TRAP1: variants seen among roughly 807,000 people sequenced by gnomAD.
TRAP1 encodes TNF receptor associated protein 1.
Under a neutral mutation model 89.1 loss-of-function variants are expected in TRAP1, and 102 were observed. The ratio of observed to expected loss-of-function variants is 1.15; its 90% CI spans 0.98 to 1.35. TRAP1 has a LOEUF of 1.35. Among genes scored for constraint, TRAP1 ranks in the 40% most tolerant of loss-of-function variants. The pLI, the probability that TRAP1 is intolerant of heterozygous loss-of-function variation, is 0.00. For synonymous variants in TRAP1, 508 were observed against 388.0 expected, an observed-to-expected ratio of 1.31 and a Z score of -3.64; for missense variants, 1,256 against 945.3, an observed-to-expected ratio of 1.33 and a Z score of -4.31.
chr16:3,701,514 G>A (rs1213469705), intron 1 of TRAP1, among the ~76,000 whole-genome samples: 1 of 145,874 alleles, frequency 6.9e-6, no homozygotes, highest in Non-Finnish European at 1.5e-5. Flanking sequence ...TCGCGCCCCT[G>A]CACTCCAGTC....
At chr16:3,663,195 G>A in intron 14 of TRAP1, 4 of 674,310 alleles carry the variant, frequency 5.9e-6, no homozygotes, top group Admixed American at 3.0e-5. Flanking sequence ...CTCTCAAGAA[G>A]CTGGGCCAGC....
At chr16:3,693,281 C>G (rs2051241013) in intron 1 of TRAP1, among the ~76,000 whole-genome samples, 1 of 151,986 alleles carries the variant, frequency 6.6e-6, no homozygotes, top group South Asian at 2.1e-4. Flanking sequence ...TATGCAGATA[C>G]CTTAAAAACA....
intron 13 of TRAP1, 76 bp from the exon 14 acceptor site, chr16:3,663,638 G>A: frequency 6.3e-7 from 1 of 1,584,720 alleles, no homozygotes. Flanking sequence ...GAGGGCGGCA[G>A]GAGGGCTGGG....
At chr16:3,704,783 T>C (rs986547432) in intron 1 of TRAP1, among the ~76,000 whole-genome samples, 2 of 151,406 alleles carry the variant, frequency 1.3e-5, no homozygotes, top group Non-Finnish European at 2.9e-5. Context: ...GAAGGCCAAG[T>C]TGGGAGGAAC....
chr16:3,669,070 CTCCCCTCCTGTG>C (rs1255642000), intron 11 of TRAP1, among the ~76,000 whole-genome samples: 1 of 152,198 alleles, frequency 6.6e-6, no homozygotes, highest in Admixed American at 6.5e-5. Flanking sequence ...TACCTGGAAC[CTCCCCTCCTGTG>C]GCCACTCCTG....
chr16:3,717,264 G>T (rs1210762453), intron 1 of TRAP1, among the ~76,000 whole-genome samples, 157 bp downstream of exon 1: 2 of 152,236 alleles, frequency 1.3e-5, no homozygotes, highest in African/African-American at 4.8e-5. Flanking sequence ...CTGGCGAGGA[G>T]CGGAGCGAAA....
At chr16:3,662,992 G>A (rs368325859) in intron 14 of TRAP1, 25 bp from the exon 15 acceptor site, 28 of 1,560,476 alleles carry the variant, frequency 1.8e-5, no homozygotes, top group East Asian at 2.4e-5. Context: ...GCGACAGGGA[G>A]CTCAGGCCTG....
intron 1 of TRAP1, among the ~76,000 whole-genome samples, chr16:3,713,693 G>C (rs1016129097): frequency 6.6e-6 from 1 of 152,198 alleles, no homozygotes. Flanking sequence ...ACCCGTCACC[G>C]TACCTGCCTG....
At chr16:3,715,027 C>G (rs112396045) in intron 1 of TRAP1, among the ~76,000 whole-genome samples, 4 of 152,308 alleles carry the variant, frequency 2.6e-5, no homozygotes, top group African/African-American at 9.6e-5. Flanking sequence ...ATGACAAGGG[C>G]ACCTGCCACG....
Position 3,675,315 on chromosome 16 carries a change from A to G in TRAP1, c.888+9T>C, listed in dbSNP as rs775996610. On this transcript the variant is annotated intron_variant, in intron 8 of 17. Transcript: ENST00000246957. ...GTTTGACCAGTCCCTAGAGGAACTCAGGGCTCACCTGCAAGGTGTTCATCC... is the reference window on the plus strand; with the variant it reads ...GTTTGACCAGTCCCTAGAGGAACTCGGGGCTCACCTGCAAGGTGTTCATCC... The G allele has an allele frequency of 6.2e-7, 1 of 1,613,716 alleles. No homozygotes were observed. The highest frequency in any genetic ancestry group is 8.5e-7 in the Non-Finnish European group (1 of 1,179,680).
intron 8 of TRAP1, chr16:3,674,846 G>A (rs548013490): frequency 2.2e-5 from 8 of 359,068 alleles, no homozygotes; most frequent in East Asian, 1.2e-4. Flanking sequence ...CAGCTGAGCC[G>A]CGAGGGGGAA....
At chr16:3,672,181 C>T (rs932309490) in intron 10 of TRAP1, among the ~76,000 whole-genome samples, 23 of 152,114 alleles carry the variant, frequency 1.5e-4, no homozygotes, top group African/African-American at 5.5e-4. Flanking sequence ...ACTAAAAATA[C>T]AAAAATTAGC....
At chr16:3,676,411 G>A (rs951928180) in intron 6 of TRAP1, 7 of 258,728 alleles carry the variant, frequency 2.7e-5, no homozygotes, top group African/African-American at 9.1e-5. Flanking sequence ...CCTGGGCTTC[G>A]AAGAAGCTTC....
intron 1 of TRAP1, among the ~76,000 whole-genome samples, chr16:3,709,670 G>A (rs773203035): frequency 6.6e-6 from 1 of 152,074 alleles, no homozygotes; most frequent in Non-Finnish European, 1.5e-5. Flanking sequence ...GTGTGTGTGA[G>A]ACGGAGTTTT....
intron 16 of TRAP1, chr16:3,659,210 G>A (rs1274218662): frequency 2.8e-5 from 6 of 211,414 alleles, no homozygotes; most frequent in South Asian, 1.7e-4. Flanking sequence ...ATATTATAGG[G>A]CTCTAGTAAA....
intron 4 of TRAP1, 108 bp from the exon 5 acceptor site, chr16:3,679,898 G>A: frequency 9.7e-7 from 1 of 1,029,200 alleles, no homozygotes; most frequent in South Asian, 1.3e-5. Context: ...TGGCCAGACA[G>A]GGCCCAGCCA....
intron 9 of TRAP1, 77 bp downstream of exon 9, chr16:3,674,262 T>C (rs1240232465): frequency 2.4e-5 from 37 of 1,556,556 alleles, no homozygotes; most frequent in Non-Finnish European, 3.2e-5. Flanking sequence ...ATGTTAATCA[T>C]GTGACATCTG....
At chr16:3,674,249 G>A (rs749028770) in intron 9 of TRAP1, 90 bp downstream of exon 9, 336 of 1,519,720 alleles carry the variant, frequency 2.2e-4, no homozygotes, top group Middle Eastern at 3.5e-4. Context: ...CCCTCACACT[G>A]CCATGTTAAT....
intron 1 of TRAP1, among the ~76,000 whole-genome samples, chr16:3,709,094 C>T (rs967411175): frequency 6.6e-6 from 1 of 151,662 alleles, no homozygotes; most frequent in Admixed American, 6.6e-5. Flanking sequence ...GGATTACAGG[C>T]GTGAGCCACC....
Sources: gnomAD v4.1 joint callset for allele counts (sites outside exome capture counted in the v4.1 genomes callset) on GRCh38, gnomAD v4.1.1 for gene constraint, MANE v1.5 for transcripts, NCBI Gene and HGNC (gene_info 2026-07-23, HGNC 2026-07-21) for gene names.